The following AMD1 variants were observed in gnomAD, a reference collection of about 807,000 sequenced individuals.
AMD1 encodes S-adenosylmethionine decarboxylase proenzyme.
In AMD1, 11 loss-of-function variants were observed where a neutral mutation model predicts 40.2. The ratio of observed to expected loss-of-function variants is 0.27; its 90% CI spans 0.17 to 0.45. AMD1 has a LOEUF of 0.45. Among genes scored for constraint, AMD1 ranks in the 20% least tolerant of loss-of-function variants. The probability of loss-of-function intolerance (pLI) is 1.00; values close to 1 mark genes in which losing one functional copy is unlikely to be tolerated. For synonymous variants in AMD1, 121 were observed against 130.8 expected (o/e 0.93, Z 0.51); for missense variants, 257 against 410.2 (o/e 0.63, Z 3.23).
At chr6:110,868,080 C>T in the AMD1 span, among the ~76,000 whole-genome samples, 2 of 152,118 alleles carry the variant, frequency 1.3e-5, no homozygotes, top group African/African-American at 4.8e-5. Context: ...CTGCCTCCGC[C>T]TTCCAAACTG....
chr6:110,881,184 G>C (rs927722034), intron 1 of AMD1, among the ~76,000 whole-genome samples: 2 of 152,050 alleles, frequency 1.3e-5, no homozygotes, highest in African/African-American at 4.8e-5. Context: ...TTAGTATCTA[G>C]TCTTTAAGTG....
the AMD1 span, among the ~76,000 whole-genome samples, chr6:110,830,513 A>G: frequency 8.5e-3 from 1,293 of 152,296 alleles, 14 homozygotes; most frequent in African/African-American, 0.029. Flanking sequence ...AATACCCAGA[A>G]GTTACCACTG....
chr6:110,850,902 T>C, the AMD1 span, among the ~76,000 whole-genome samples: 1 of 152,194 alleles, frequency 6.6e-6, no homozygotes, highest in East Asian at 1.9e-4. Context: ...AAATGATTTT[T>C]GAAATACAGA....
chr6:110,890,121 C>A, intron 3 of AMD1, 133 bp from the exon 4 acceptor site: 1 of 649,362 alleles, frequency 1.5e-6, no homozygotes, highest in Non-Finnish European at 2.6e-6. Flanking sequence ...TGCTACCATG[C>A]CAAGCTAAAA....
the AMD1 span, among the ~76,000 whole-genome samples, chr6:110,833,952 AGG>A: frequency 6.6e-6 from 1 of 152,184 alleles, no homozygotes; most frequent in Non-Finnish European, 1.5e-5. Context: ...TTCGTGTATG[AGG>A]AAAAACAATT....
upstream of AMD1, among the ~76,000 whole-genome samples, chr6:110,873,104 G>C (rs12205501): frequency 0.036 from 5,521 of 152,176 alleles, 131 homozygotes; most frequent in Middle Eastern, 0.071. Context: ...GGCTGGGTGC[G>C]GTGGCCTCCC....
At chr6:110,863,102 G>A in the AMD1 span, among the ~76,000 whole-genome samples, 2 of 151,720 alleles carry the variant, frequency 1.3e-5, no homozygotes, top group East Asian at 3.9e-4. Flanking sequence ...CCACCACCAC[G>A]CCCGGCTAAT....
chr6:110,881,597 C>T (rs1316557757), intron 1 of AMD1, among the ~76,000 whole-genome samples: 2 of 151,974 alleles, frequency 1.3e-5, no homozygotes, highest in African/African-American at 4.8e-5. Context: ...GGGTGGATTG[C>T]TTGAGGTCAG....
At chr6:110,886,521 G>C (rs1481628787) in intron 1 of AMD1, among the ~76,000 whole-genome samples, 1 of 152,062 alleles carries the variant, frequency 6.6e-6, no homozygotes, top group East Asian at 1.9e-4. Flanking sequence ...GGTCAGGCTG[G>C]TCTCAAACTC....
At chr6:110,829,404 G>A in the AMD1 span, among the ~76,000 whole-genome samples, 5 of 152,032 alleles carry the variant, frequency 3.3e-5, no homozygotes, top group South Asian at 2.1e-4. Context: ...CATCGGCCGG[G>A]CATGGTGGCT....
At chr6:110,883,713 A>T (rs1279592) in intron 1 of AMD1, among the ~76,000 whole-genome samples, 131,370 of 152,090 alleles carry the variant, frequency 0.86, 56,900 homozygotes, top group Middle Eastern at 0.95. Context: ...CGCCGCAGCC[A>T]CCCAAGTAGC....
chr6:110,844,950 T>C, the AMD1 span, among the ~76,000 whole-genome samples: 2 of 148,522 alleles, frequency 1.3e-5, no homozygotes, highest in African/African-American at 5.0e-5. Flanking sequence ...TCACAGAAGG[T>C]GAAATGGGAA....
chr6:110,847,714 TG>T, the AMD1 span, among the ~76,000 whole-genome samples: 2 of 142,686 alleles, frequency 1.4e-5, no homozygotes, highest in African/African-American at 2.5e-5. Flanking sequence ...TTTTGTTTTT[TG>T]TTTTTTGTTT....
At chr6:110,843,648 G>A in the AMD1 span, among the ~76,000 whole-genome samples, 9 of 151,888 alleles carry the variant, frequency 5.9e-5, no homozygotes, top group East Asian at 1.9e-4. Flanking sequence ...GTGCAGTGGC[G>A]CCATCTTGGC....
chr6:110,882,405 A>G (rs569238315), intron 1 of AMD1, among the ~76,000 whole-genome samples: 1 of 152,354 alleles, frequency 6.6e-6, no homozygotes, highest in African/African-American at 2.4e-5. Context: ...CTCTGCCCTT[A>G]TAGGGAGAAA....
the AMD1 span, among the ~76,000 whole-genome samples, chr6:110,837,137 C>T: frequency 1.5e-5 from 2 of 134,176 alleles, no homozygotes; most frequent in African/African-American, 2.8e-5. Flanking sequence ...AGTCTGATAC[C>T]ACCACTGCAG....
At chr6:110,876,176 T>C (rs529316935) in intron 1 of AMD1, among the ~76,000 whole-genome samples, 127 of 152,372 alleles carry the variant, frequency 8.3e-4, no homozygotes, top group Non-Finnish European at 1.6e-3. Context: ...TTGGTATTGC[T>C]GTGGAAATCC....
At chr6:110,874,432 G>A (rs535355111), upstream of AMD1, among the ~76,000 whole-genome samples, 202 of 151,824 alleles carry the variant, frequency 1.3e-3, no homozygotes, top group African/African-American at 4.6e-3. Context: ...ACACCCCTAA[G>A]GACCCACCCA....
chr6:110,820,602 A>G, the AMD1 span, among the ~76,000 whole-genome samples: 2,358 of 151,970 alleles, frequency 0.016, 35 homozygotes, highest in Non-Finnish European at 0.024. Flanking sequence ...GTAAATGATT[A>G]TCATTAGAAA....
Sources: gnomAD v4.1 joint callset for allele counts (sites outside exome capture counted in the v4.1 genomes callset) on GRCh38, gnomAD v4.1.1 for gene constraint, MANE v1.5 for transcripts, NCBI Gene and HGNC (gene_info 2026-07-23, HGNC 2026-07-21) for gene names.